ICA1: variants seen among roughly 807,000 people sequenced by gnomAD.
ICA1 encodes 69 kDa islet cell autoantigen.
Under a neutral mutation model 71.0 loss-of-function variants are expected in ICA1, and 40 were observed. That is an observed-to-expected ratio of 0.56 (90% CI 0.44 to 0.73). The LOEUF is 0.73. Ranked by LOEUF, ICA1 falls within the 30% of genes least tolerant of loss-of-function variation. The pLI is 0.00. For synonymous variants in ICA1, 207 were observed against 209.5 expected, an observed-to-expected ratio of 0.99 and a Z score of 0.10; for missense variants, 578 against 576.5, an observed-to-expected ratio of 1.00 and a Z score of -0.03.
Position 8,226,286 on chromosome 7 carries a change from C to T in ICA1, c.256+2315G>A, listed in dbSNP as rs187970589. 2.4e-4 allele frequency among the ~76,000 whole-genome samples: 37 copies of T among 152,210 alleles called. No homozygotes were observed. The highest frequency in any genetic ancestry group is 8.9e-4 in the African/African-American group (37 of 41,538). On this transcript the variant is annotated intron_variant, in intron 4 of 13. Coordinates refer to ENST00000402384, the MANE Select transcript of ICA1 (RefSeq NM_001136020.3). The surrounding 1 kb of genome is among the most constrained non-coding windows in gnomAD (Gnocchi z 4.4). The stretch of plus-strand genomic sequence containing the variant: ...TCCACCACTGGTATCCAGTCTCTTT[C>T]GTTTCTGGTTTATCCTTCCTAAATT...
At chr7:8,241,182 A>C (rs1158948529) in intron 1 of ICA1, among the ~76,000 whole-genome samples, 1 of 152,228 alleles carries the variant, frequency 6.6e-6, no homozygotes, top group Non-Finnish European at 1.5e-5. Flanking sequence ...TGGGTTACCC[A>C]CAAAGGGAAG....
chr7:8,113,224 A>AC lies in ICA1; in HGVS notation c.*698_*699insG, dbSNP rs899528890. ...TCTTTTCTGTTTAATTAAAAAAAAAAAAAAAACAATGTCACAAGAGGCTTC... is the reference window on the plus strand; with the variant it reads ...TCTTTTCTGTTTAATTAAAAAAAAAACAAAAAACAATGTCACAAGAGGCTTC... On this transcript the variant is annotated 3_prime_UTR_variant, in exon 14 of 14. Transcript: ENST00000402384. The surrounding 1 kb of genome is among the most constrained non-coding windows in gnomAD (Gnocchi z 4.2). The AC allele has an allele frequency of 2.6e-5, 4 of 151,942 alleles. No homozygotes were observed. The highest frequency in any genetic ancestry group is 5.9e-5 in the Non-Finnish European group (4 of 67,962). The allele number at this position is 151,942 out of a possible 1,614,324, so 9.4% of individuals were successfully genotyped here.
At chr7:8,159,539 C>T (rs567704352) in intron 6 of ICA1, among the ~76,000 whole-genome samples, 1 of 151,878 alleles carries the variant, frequency 6.6e-6, no homozygotes, top group Non-Finnish European at 1.5e-5. Flanking sequence ...CGGTGAAACC[C>T]CATCTCTACA....
chr7:8,214,504 T>C (rs2128397427), intron 6 of ICA1, among the ~76,000 whole-genome samples: 1 of 152,296 alleles, frequency 6.6e-6, no homozygotes, highest in East Asian at 1.9e-4. Context: ...TCCTATTATG[T>C]ATTTGGTCTT....
intron 10 of ICA1, among the ~76,000 whole-genome samples, chr7:8,140,915 C>G (rs1303775094): frequency 6.6e-6 from 1 of 152,178 alleles, no homozygotes; most frequent in Non-Finnish European, 1.5e-5. Flanking sequence ...CCTTTGCCTC[C>G]TCCTATCTTC....
intron 13 of ICA1, chr7:8,116,147 G>A (rs1360476254): frequency 6.6e-6 from 1 of 152,198 alleles, no homozygotes; most frequent in South Asian, 2.1e-4. Context: ...ATGTTCAAAT[G>A]GAAATTAGCA....
intron 1 of ICA1, among the ~76,000 whole-genome samples, chr7:8,250,607 T>C (rs1247250446): frequency 6.6e-6 from 1 of 152,206 alleles, no homozygotes; most frequent in Non-Finnish European, 1.5e-5. Flanking sequence ...TCTGATCCCC[T>C]CACTGCACTC....
At chr7:8,117,274 T>C (rs1009577074) in intron 13 of ICA1, among the ~76,000 whole-genome samples, 6 of 152,178 alleles carry the variant, frequency 3.9e-5, no homozygotes, top group African/African-American at 1.4e-4. Context: ...TTAATAGCAG[T>C]GTGAAAACGG....
intron 12 of ICA1, among the ~76,000 whole-genome samples, chr7:8,131,844 T>C (rs940733447): frequency 6.6e-6 from 1 of 152,202 alleles, no homozygotes; most frequent in Non-Finnish European, 1.5e-5. Flanking sequence ...AACTGAGAGA[T>C]AATGGAGACA....
intron 1 of ICA1, among the ~76,000 whole-genome samples, chr7:8,246,993 G>T (rs1210090112): frequency 6.6e-6 from 1 of 152,056 alleles, no homozygotes; most frequent in African/African-American, 2.4e-5. Context: ...TGATCCACCC[G>T]CCTTGGCCTC....
At chr7:8,228,475 C>G in intron 4 of ICA1, 126 bp downstream of exon 4, 1 of 503,654 alleles carries the variant, frequency 2.0e-6, no homozygotes, top group Non-Finnish European at 3.5e-6. Flanking sequence ...TAGAGACTCT[C>G]CTCCCAACGC....
At chr7:8,160,919 T>C (rs1273676130) in intron 6 of ICA1, among the ~76,000 whole-genome samples, 1 of 152,156 alleles carries the variant, frequency 6.6e-6, no homozygotes, top group Non-Finnish European at 1.5e-5. Flanking sequence ...AAAACCTAAT[T>C]TCTGGAGGGG....
chr7:8,254,655 A>G (rs1430632867), intron 1 of ICA1, among the ~76,000 whole-genome samples: 3 of 151,754 alleles, frequency 2.0e-5, no homozygotes, highest in Non-Finnish European at 1.5e-5. Flanking sequence ...GATATTGGGC[A>G]TGTACCCTCT....
chr7:8,138,959 G>A, intron 11 of ICA1, 26 bp downstream of exon 11: 1 of 1,602,692 alleles, frequency 6.2e-7, no homozygotes. Flanking sequence ...AATTAAAATT[G>A]AGTAGTTTTC....
chr7:8,198,872 G>C (rs966241017), intron 6 of ICA1, among the ~76,000 whole-genome samples: 1 of 152,150 alleles, frequency 6.6e-6, no homozygotes, highest in Non-Finnish European at 1.5e-5. Flanking sequence ...AATAACTAGA[G>C]TATATAAGAA....
chr7:8,217,758 C>G (rs1795850915), intron 6 of ICA1, among the ~76,000 whole-genome samples: 1 of 152,196 alleles, frequency 6.6e-6, no homozygotes, highest in Non-Finnish European at 1.5e-5. Context: ...CTCACCAAAT[C>G]TTTCAGTGCA....
At chr7:8,147,546 A>G (rs1480598052) in intron 8 of ICA1, among the ~76,000 whole-genome samples, 1 of 152,178 alleles carries the variant, frequency 6.6e-6, no homozygotes, top group Non-Finnish European at 1.5e-5. Flanking sequence ...ACATAAGGTT[A>G]CACTAAAAAA....
intron 1 of ICA1, among the ~76,000 whole-genome samples, chr7:8,237,971 G>A (rs578206381): frequency 1.0e-3 from 158 of 152,108 alleles, no homozygotes; most frequent in Non-Finnish European, 8.7e-4. Context: ...ACAGGTTCTT[G>A]GAAGCTGCAA....
At chr7:8,205,450 A>G (rs1791187285) in intron 6 of ICA1, among the ~76,000 whole-genome samples, 1 of 152,224 alleles carries the variant, frequency 6.6e-6, no homozygotes, top group Admixed American at 6.5e-5. Flanking sequence ...ACTTTAACAC[A>G]TACACTTTGT....
Sources: gnomAD v4.1 joint callset for allele counts (sites outside exome capture counted in the v4.1 genomes callset) on GRCh38, gnomAD v4.1.1 for gene constraint, Gnocchi (gnomAD v3.1) non-coding constraint, MANE v1.5 for transcripts, NCBI Gene and HGNC (gene_info 2026-07-23, HGNC 2026-07-21) for gene names.